The following KIAA0319L variants were observed in gnomAD, a reference collection of about 807,000 sequenced individuals.
KIAA0319L encodes dyslexia-associated protein KIAA0319-like protein.
In KIAA0319L, 55 loss-of-function variants were observed where a neutral mutation model predicts 120.1. The observed-to-expected ratio is 0.46, with a 90% CI of 0.37 to 0.57. The LOEUF (loss-of-function observed/expected upper bound fraction) is 0.57. Ranked by LOEUF, KIAA0319L falls within the 20% of genes least tolerant of loss-of-function variation. The pLI is 0.00. For synonymous variants in KIAA0319L, 398 were observed against 471.9 expected, an observed-to-expected ratio of 0.84 and a Z score of 2.03; for missense variants, 1,049 against 1,255.3, an observed-to-expected ratio of 0.84 and a Z score of 2.48.
At chr1:35,501,697 A>G (rs545139801) in intron 3 of KIAA0319L, among the ~76,000 whole-genome samples, 1 of 151,794 alleles carries the variant, frequency 6.6e-6, no homozygotes, top group Admixed American at 6.6e-5. Context: ...ACCAACATGG[A>G]GAAACCCTGT....
chr1:35,491,910 A>G (rs1170341347), intron 3 of KIAA0319L, among the ~76,000 whole-genome samples: 3 of 152,244 alleles, frequency 2.0e-5, no homozygotes, highest in Non-Finnish European at 4.4e-5. Flanking sequence ...TGAAATGCAT[A>G]AATTCCTTGA....
intron 4 of KIAA0319L, 59 bp from the exon 5 acceptor site, chr1:35,474,965 T>C (rs1349984201): frequency 2.0e-6 from 2 of 995,158 alleles, no homozygotes; most frequent in African/African-American, 1.6e-5. Context: ...CTTATTTCTC[T>C]CTTTCTTTTG....
intron 3 of KIAA0319L, among the ~76,000 whole-genome samples, chr1:35,504,349 A>ACCACG (rs1645126602): frequency 6.6e-6 from 1 of 151,928 alleles, no homozygotes. Context: ...GGCGCCTGCC[A>ACCACG]CCACGCCCGG....
intron 2 of KIAA0319L, among the ~76,000 whole-genome samples, chr1:35,524,004 T>C (rs560641317): frequency 6.6e-6 from 1 of 152,246 alleles, no homozygotes; most frequent in African/African-American, 2.4e-5. Flanking sequence ...TAAGGCACTT[T>C]ACAGCAAGAA....
intron 4 of KIAA0319L, 69 bp from the exon 5 acceptor site, chr1:35,474,975 G>A: frequency 2.3e-6 from 2 of 880,344 alleles, no homozygotes; most frequent in South Asian, 1.5e-5. Context: ...TCTTTCTTTT[G>A]TGATCAAACT....
chr1:35,436,236 C>T (rs1358678412), intron 20 of KIAA0319L, among the ~76,000 whole-genome samples: 4 of 152,194 alleles, frequency 2.6e-5, no homozygotes, highest in East Asian at 3.9e-4. Context: ...CCAGGCTGAG[C>T]GCATCCAGAC....
At chr1:35,548,928 A>G (rs909773820) in intron 2 of KIAA0319L, among the ~76,000 whole-genome samples, 1 of 151,778 alleles carries the variant, frequency 6.6e-6, no homozygotes, top group Non-Finnish European at 1.5e-5. Context: ...AACCTTCACA[A>G]CTCTGTTCAG....
At position 35,554,521 on chromosome 1, in the gene KIAA0319L, T is replaced by A; in HGVS notation, c.-28-2A>T. 1 of 1,542,976 alleles carries A rather than the reference T, an allele frequency of 6.5e-7. No individual in the cohort carries two copies. The highest frequency in any genetic ancestry group is 8.7e-7 in the Non-Finnish European group (1 of 1,146,470). ...CTCCAGACAGGCAGAACCAGTACACTAGAAGGACAGAAAGAGAAGAAATTA... is the reference window on the plus strand; with the variant it reads ...CTCCAGACAGGCAGAACCAGTACACAAGAAGGACAGAAAGAGAAGAAATTA... On this transcript the variant is annotated splice_acceptor_variant, in intron 1 of 20. Transcript: ENST00000325722. LOFTEE classifies it low-confidence loss of function (5UTR_SPLICE).
At chr1:35,440,781 A>G (rs1641147941) in intron 20 of KIAA0319L, 1 of 472,676 alleles carries the variant, frequency 2.1e-6, no homozygotes, top group African/African-American at 1.9e-5. Flanking sequence ...TCCAGGTGGG[A>G]AACATGAGGA....
chr1:35,546,875 T>C (rs1469535864), intron 2 of KIAA0319L, among the ~76,000 whole-genome samples: 2 of 151,728 alleles, frequency 1.3e-5, no homozygotes, highest in African/African-American at 2.4e-5. Flanking sequence ...CTGGTGGAAA[T>C]GTAAAATGGT....
At chr1:35,539,226 G>A (rs1334722703) in intron 2 of KIAA0319L, among the ~76,000 whole-genome samples, 1 of 152,188 alleles carries the variant, frequency 6.6e-6, no homozygotes, top group Non-Finnish European at 1.5e-5. Flanking sequence ...AAAGAGTGGA[G>A]GCGAAACAGC....
intron 9 of KIAA0319L, among the ~76,000 whole-genome samples, chr1:35,457,751 C>G (rs1570669270): frequency 6.6e-6 from 1 of 152,168 alleles, no homozygotes; most frequent in East Asian, 1.9e-4. Context: ...GAGGTTTTAT[C>G]CTGCAGTCTC....
rs545183262 is a variant in KIAA0319L, at chr1:35,488,694, A to G, written c.667-9482T>C. ...CAACAAAATTGACTAAGAAGGAATC[A>G]TCAGGAAGAAGGAAAAGGACCAGGA... is the stretch of plus-strand genomic sequence containing the variant. On this transcript the variant is annotated intron_variant, in intron 3 of 20. Coordinates refer to ENST00000325722, the MANE Select transcript of KIAA0319L (RefSeq NM_024874.5). Among the ~76,000 whole-genome samples, 11 of 152,382 alleles carry G rather than the reference A, an allele frequency of 7.2e-5. No homozygotes were observed. The South Asian group carries it at 1.9e-3, about 26-fold the overall frequency.
chr1:35,554,674 C>G (rs1202875785), intron 1 of KIAA0319L, 155 bp from the exon 2 acceptor site: 8 of 465,880 alleles, frequency 1.7e-5, no homozygotes, highest in Non-Finnish European at 2.3e-5. Context: ...TAAACCTGGG[C>G]TTTGAGGTAG....
intron 3 of KIAA0319L, among the ~76,000 whole-genome samples, chr1:35,494,814 A>C (rs1162579883): frequency 3.9e-5 from 6 of 152,214 alleles, no homozygotes; most frequent in Non-Finnish European, 8.8e-5. Flanking sequence ...CTGTCTCAAA[A>C]AAGAAAGCTA....
At chr1:35,504,554 T>C (rs148421828) in intron 3 of KIAA0319L, among the ~76,000 whole-genome samples, 1,922 of 152,294 alleles carry the variant, frequency 0.013, 37 homozygotes, top group South Asian at 0.072. Context: ...ATGACATACA[T>C]AATATGTGTT....
At chr1:35,455,725 C>T (rs868259345) in intron 10 of KIAA0319L, among the ~76,000 whole-genome samples, 5 of 151,794 alleles carry the variant, frequency 3.3e-5, no homozygotes, top group African/African-American at 4.8e-5. Flanking sequence ...GGATTACAGG[C>T]GCACGCCACT....
At chr1:35,510,577 T>C (rs1645392602) in intron 2 of KIAA0319L, 1 of 146,574 alleles carries the variant, frequency 6.8e-6, no homozygotes, top group Non-Finnish European at 1.5e-5. Context: ...AGATAAGCCT[T>C]TTAAAAACAT....
At chr1:35,498,506 G>GA (rs1644893167) in intron 3 of KIAA0319L, among the ~76,000 whole-genome samples, 1 of 152,120 alleles carries the variant, frequency 6.6e-6, no homozygotes, top group African/African-American at 2.4e-5. Flanking sequence ...TCATAATGAT[G>GA]AAAGGTTTCA....
Sources: allele counts gnomAD v4.1 joint callset (sites outside exome capture counted in the v4.1 genomes callset), GRCh38; gene constraint gnomAD v4.1.1; transcripts MANE v1.5; gene names NCBI Gene and HGNC (gene_info 2026-07-23, HGNC 2026-07-21).